DPP6: variants seen among roughly 807,000 people sequenced by gnomAD.
DPP6 encodes dipeptidyl peptidase like 6.
In DPP6, 69 loss-of-function variants were observed where a neutral mutation model predicts 122.6. The observed-to-expected ratio is 0.56, with a 90% CI of 0.46 to 0.69. The LOEUF is 0.69. DPP6 is among the 30% of genes least tolerant of loss of function. The pLI, the probability that DPP6 is intolerant of heterozygous loss-of-function variation, is 0.00. For missense variants in DPP6, 928 were observed against 1,116.9 expected, an observed-to-expected ratio of 0.83 and a Z score of 2.41; for synonymous variants, 418 against 433.1, an observed-to-expected ratio of 0.97 and a Z score of 0.43.
chr7:154,079,520 C>T (rs553017502), intron 1 of DPP6, among the ~76,000 whole-genome samples: 2 of 152,262 alleles, frequency 1.3e-5, no homozygotes, highest in East Asian at 1.9e-4. Flanking sequence ...GCAGTTTTCA[C>T]TGGAAGGATT....
intron 5 of DPP6, among the ~76,000 whole-genome samples, chr7:154,574,436 GT>G: frequency 1.4e-5 from 2 of 146,916 alleles, no homozygotes; most frequent in South Asian, 2.3e-4. Context: ...TGTGGTGTGT[GT>G]GTATGTGTGT....
intron 1 of DPP6, among the ~76,000 whole-genome samples, chr7:153,891,373 A>G (rs945543144): frequency 6.6e-6 from 1 of 152,164 alleles, no homozygotes; most frequent in Non-Finnish European, 1.5e-5. Flanking sequence ...TAAACTTATA[A>G]TACTGTGAGA....
chr7:154,586,762 C>T (rs75807540), intron 5 of DPP6, among the ~76,000 whole-genome samples: 1,616 of 152,324 alleles, frequency 0.011, 13 homozygotes, highest in Non-Finnish European at 0.015. Context: ...GGATCTCCTT[C>T]TCTACCTTGT....
intron 2 of DPP6, among the ~76,000 whole-genome samples, chr7:154,470,081 A>G (rs1479600710): frequency 1.3e-5 from 2 of 152,298 alleles, no homozygotes; most frequent in South Asian, 2.1e-4. Context: ...TAACATACAA[A>G]TTGTTCTAAA....
intron 5 of DPP6, among the ~76,000 whole-genome samples, chr7:154,596,295 G>T (rs1833086140): frequency 6.6e-6 from 1 of 152,222 alleles, no homozygotes; most frequent in Non-Finnish European, 1.5e-5. Context: ...ATTGCAAAAT[G>T]CAGTGACTGT....
chr7:154,513,732 A>G (rs1826264805), intron 3 of DPP6, among the ~76,000 whole-genome samples: 1 of 152,166 alleles, frequency 6.6e-6, no homozygotes. Flanking sequence ...ACACAGCAAG[A>G]TAGCTTTGTA....
intron 1 of DPP6, among the ~76,000 whole-genome samples, chr7:154,421,801 G>T (rs929515369): frequency 6.6e-6 from 1 of 152,190 alleles, no homozygotes; most frequent in Non-Finnish European, 1.5e-5. Flanking sequence ...AGTGGAGAAC[G>T]GAACCAGCTA....
chr7:154,726,353 G>T (rs1842064081), intron 7 of DPP6, among the ~76,000 whole-genome samples: 1 of 152,158 alleles, frequency 6.6e-6, no homozygotes, highest in South Asian at 2.1e-4. Flanking sequence ...CATACATCCT[G>T]AAATTTAGGT....
intron 4 of DPP6, among the ~76,000 whole-genome samples, chr7:154,550,546 A>G (rs994394821): frequency 3.3e-5 from 5 of 152,186 alleles, no homozygotes; most frequent in East Asian, 1.9e-4. Context: ...TAATTTAAAA[A>G]CCAGCTTGTT....
intron 1 of DPP6, among the ~76,000 whole-genome samples, chr7:154,409,821 T>C (rs1816444332): frequency 6.6e-6 from 1 of 152,194 alleles, no homozygotes; most frequent in African/African-American, 2.4e-5. Context: ...ACTTTCAACA[T>C]ACCATGGTTC....
At chr7:153,953,455 C>T (rs139457977) in intron 1 of DPP6, among the ~76,000 whole-genome samples, 13 of 152,196 alleles carry the variant, frequency 8.5e-5, no homozygotes, top group African/African-American at 1.9e-4. Flanking sequence ...CTCAAAATTC[C>T]GTGTGCTGTC....
intron 5 of DPP6, among the ~76,000 whole-genome samples, chr7:154,636,959 G>T (rs1055989275): frequency 6.6e-6 from 1 of 152,190 alleles, no homozygotes; most frequent in African/African-American, 2.4e-5. Flanking sequence ...CACAAGTAAA[G>T]GAAAGGGTTG....
At chr7:154,374,473 C>T (rs1363369359) in intron 1 of DPP6, among the ~76,000 whole-genome samples, 2 of 152,098 alleles carry the variant, frequency 1.3e-5, no homozygotes, top group Admixed American at 6.5e-5. Context: ...GTGCAGACCC[C>T]GCAGGAACTG....
At chr7:154,200,187 G>C (rs933318570) in intron 1 of DPP6, among the ~76,000 whole-genome samples, 2 of 151,922 alleles carry the variant, frequency 1.3e-5, no homozygotes, top group African/African-American at 4.8e-5. Flanking sequence ...TTCTTTCCTG[G>C]CTCCTTTTTT....
At chr7:153,964,441 C>T (rs531962027) in intron 1 of DPP6, among the ~76,000 whole-genome samples, 2 of 152,098 alleles carry the variant, frequency 1.3e-5, no homozygotes, top group Non-Finnish European at 2.9e-5. Context: ...CTTCATGTCT[C>T]CTAGCAGCAC....
At chr7:154,730,408 C>T (rs1009411821) in intron 8 of DPP6, among the ~76,000 whole-genome samples, 1 of 152,126 alleles carries the variant, frequency 6.6e-6, no homozygotes, top group Non-Finnish European at 1.5e-5. Context: ...GAAGAATGCC[C>T]CAAACACTAC....
chr7:154,594,793 C>A (rs1329921851), intron 5 of DPP6, among the ~76,000 whole-genome samples: 1 of 152,128 alleles, frequency 6.6e-6, no homozygotes, highest in Admixed American at 6.5e-5. Flanking sequence ...GCTTCTGTGG[C>A]TTTCAAACAG....
chr7:153,854,870 A>G, the DPP6 span, among the ~76,000 whole-genome samples: 38 of 129,776 alleles, frequency 2.9e-4, no homozygotes, highest in Non-Finnish European at 5.6e-4. Flanking sequence ...TGGATTAAGA[A>G]AATGTGGCAC....
chr7:154,380,652 A>G (rs1813515911), intron 1 of DPP6, among the ~76,000 whole-genome samples: 1 of 152,060 alleles, frequency 6.6e-6, no homozygotes. Flanking sequence ...CAGACGGGGG[A>G]CATCCATTCA....
Sources: allele counts gnomAD v4.1 joint callset (sites outside exome capture counted in the v4.1 genomes callset), GRCh38; gene constraint gnomAD v4.1.1; transcripts MANE v1.5; gene names NCBI Gene and HGNC (gene_info 2026-07-23, HGNC 2026-07-21).